SRGAP3: variants seen among roughly 807,000 people sequenced by gnomAD.
The protein encoded by SRGAP3 is SLIT-ROBO Rho GTPase activating protein 3.
A neutral mutation model predicts 121.1 loss-of-function variants in SRGAP3; 39 were observed. That is an observed-to-expected ratio of 0.32 (90% CI 0.25 to 0.42). The LOEUF is 0.42. SRGAP3 is among the 10% of genes least tolerant of loss of function. The probability of loss-of-function intolerance (pLI) is 1.00; values close to 1 mark genes in which losing one functional copy is unlikely to be tolerated. For missense variants in SRGAP3, 1,213 were observed against 1,470.6 expected (o/e 0.82, Z 2.86); for synonymous variants, 601 against 570.0 (o/e 1.05, Z -0.77).
At chr3:9,136,712 G>A (rs1432932978) in intron 1 of SRGAP3, among the ~76,000 whole-genome samples, 2 of 152,214 alleles carry the variant, frequency 1.3e-5, no homozygotes, top group Non-Finnish European at 2.9e-5. Context: ...AAGGGAAAGG[G>A]GCTGCCTGAA....
chr3:9,215,641 C>G (rs1014411153), intron 1 of SRGAP3, among the ~76,000 whole-genome samples: 2 of 152,224 alleles, frequency 1.3e-5, no homozygotes, highest in African/African-American at 4.8e-5. Context: ...TGTGGGTTGG[C>G]ACCAGCCAAT....
chr3:8,994,287 C>A, intron 19 of SRGAP3, 56 bp downstream of exon 19: 1 of 1,608,678 alleles, frequency 6.2e-7, no homozygotes. Flanking sequence ...CGGTGCCCAT[C>A]CCAGACATCA....
At chr3:9,138,323 T>A (rs1560241788) in intron 1 of SRGAP3, among the ~76,000 whole-genome samples, 4 of 152,216 alleles carry the variant, frequency 2.6e-5, no homozygotes, top group African/African-American at 7.2e-5. Flanking sequence ...AATGTAACTA[T>A]AAAAATAAAC....
At chr3:9,188,644 A>G (rs1951667796) in intron 1 of SRGAP3, among the ~76,000 whole-genome samples, 1 of 152,256 alleles carries the variant, frequency 6.6e-6, no homozygotes. Flanking sequence ...GCAACCTGAC[A>G]TGGCCAGTTG....
At chr3:9,321,062 C>A (rs1217906940) in intron 3 of SRGAP3, among the ~76,000 whole-genome samples, 4 of 151,848 alleles carry the variant, frequency 2.6e-5, no homozygotes, top group Non-Finnish European at 5.9e-5. Flanking sequence ...ACTTGCCTCT[C>A]ACTCTCCTGA....
At chr3:9,357,517 C>T (rs1226568181) in intron 1 of SRGAP3, among the ~76,000 whole-genome samples, 1 of 150,684 alleles carries the variant, frequency 6.6e-6, no homozygotes, top group East Asian at 2.0e-4. Context: ...GCTGAGATTA[C>T]AGGCACACAC....
At chr3:9,182,425 T>C (rs1951443525) in intron 1 of SRGAP3, among the ~76,000 whole-genome samples, 1 of 151,716 alleles carries the variant, frequency 6.6e-6, no homozygotes, top group African/African-American at 2.4e-5. Context: ...AAGCGAGGCA[T>C]CTACAAGCCA....
intron 1 of SRGAP3, among the ~76,000 whole-genome samples, chr3:9,130,601 C>T (rs1560220649): frequency 6.6e-6 from 1 of 152,210 alleles, no homozygotes; most frequent in Non-Finnish European, 1.5e-5. Context: ...ACCATAATGC[C>T]CTTGACATGA....
intron 2 of SRGAP3, among the ~76,000 whole-genome samples, chr3:9,119,891 G>A (rs1388522670): frequency 1.3e-5 from 2 of 152,182 alleles, no homozygotes; most frequent in African/African-American, 4.8e-5. Flanking sequence ...CAGGCCCTCT[G>A]CTAGCTGAAT....
intron 1 of SRGAP3, among the ~76,000 whole-genome samples, chr3:9,154,103 C>A (rs898880350): frequency 3.9e-5 from 6 of 152,078 alleles, no homozygotes; most frequent in Non-Finnish European, 7.4e-5. Flanking sequence ...GAGAAATCCA[C>A]GTGAATTACC....
Position 9,067,377 on chromosome 3 carries a change from G to A in SRGAP3, c.487-2796C>T, listed in dbSNP as rs540344870. On this transcript the variant is annotated intron_variant, in intron 4 of 21. Transcript: ENST00000383836. ...TTTTCTTCATGGGTCTTGGTGGAAA[G>A]ACGGCTTCTCTGCGTTCCGTCCATT... 2.0e-5 allele frequency among the ~76,000 whole-genome samples: 3 copies of A among 152,154 alleles called. No homozygotes were observed. In the East Asian group the frequency reaches 5.8e-4, roughly 29 times the overall value.
At chr3:9,176,768 A>C (rs1360463135) in intron 1 of SRGAP3, among the ~76,000 whole-genome samples, 1 of 152,158 alleles carries the variant, frequency 6.6e-6, no homozygotes, top group African/African-American at 2.4e-5. Flanking sequence ...TGTATCTCTC[A>C]AGAACTCACT....
chr3:9,045,977 C>A (rs1343214778), intron 10 of SRGAP3, among the ~76,000 whole-genome samples: 1 of 152,156 alleles, frequency 6.6e-6, no homozygotes, highest in East Asian at 1.9e-4. Flanking sequence ...TCCATTCTCA[C>A]TGTTTTTCTT....
At chr3:9,051,087 T>C (rs979257122) in intron 9 of SRGAP3, among the ~76,000 whole-genome samples, 2 of 132,410 alleles carry the variant, frequency 1.5e-5, no homozygotes, top group African/African-American at 5.6e-5. Context: ...AGTGCAGTGG[T>C]ACAATCACAG....
intron 1 of SRGAP3, among the ~76,000 whole-genome samples, chr3:9,232,730 C>A (rs1180576246): frequency 6.6e-6 from 1 of 152,196 alleles, no homozygotes; most frequent in African/African-American, 2.4e-5. Flanking sequence ...TCCCAGGGTC[C>A]ACCCACTGCC....
intron 3 of SRGAP3, among the ~76,000 whole-genome samples, chr3:9,291,107 T>C (rs1005924809): frequency 6.6e-6 from 1 of 152,262 alleles, no homozygotes; most frequent in Non-Finnish European, 1.5e-5. Context: ...TGCAATAAAA[T>C]TCCCCCCTGA....
intron 3 of SRGAP3, among the ~76,000 whole-genome samples, chr3:9,084,059 T>C (rs1947352643): frequency 6.6e-6 from 1 of 152,232 alleles, no homozygotes; most frequent in Non-Finnish European, 1.5e-5. Flanking sequence ...TTCCTGGGCT[T>C]GTCAACTGGA....
rs571558130 is a variant in SRGAP3 at position 9,069,677 on chromosome 3, G to T, written c.487-5096C>A. Among the ~76,000 whole-genome samples, 3 of 152,202 alleles carry T rather than the reference G, an allele frequency of 2.0e-5. No homozygotes were observed. The South Asian group carries it at 6.2e-4, about 31-fold the overall frequency. On this transcript the variant is annotated intron_variant, in intron 4 of 21. Transcript: ENST00000383836. ...AAAGTAGCAAGAGCGGGCTGGGCGC[G>T]GTGGCTCATGCCTGTAATCCCAGCC...
At chr3:9,122,232 T>C (rs1472996286) in intron 2 of SRGAP3, among the ~76,000 whole-genome samples, 1 of 152,220 alleles carries the variant, frequency 6.6e-6, no homozygotes, top group Non-Finnish European at 1.5e-5. Flanking sequence ...AGTGGGACTA[T>C]GAATGATATT....
Sources: allele counts gnomAD v4.1 joint callset (sites outside exome capture counted in the v4.1 genomes callset), GRCh38; gene constraint gnomAD v4.1.1; transcripts MANE v1.5; gene names NCBI Gene and HGNC (gene_info 2026-07-23, HGNC 2026-07-21).